Variants in GRM5 observed in about 807,000 individuals in gnomAD.
The protein encoded by GRM5 is metabotropic glutamate receptor 5.
In GRM5, 19 loss-of-function variants were observed where a neutral mutation model predicts 83.1. That is an observed-to-expected ratio of 0.23 (90% CI 0.16 to 0.34). The LOEUF (loss-of-function observed/expected upper bound fraction) is 0.34, where lower values mean the gene tolerates loss of function less well. Ranked by LOEUF, GRM5 falls within the 10% of genes least tolerant of loss-of-function variation. GRM5 has a pLI of 1.00. For missense variants in GRM5, 1,160 were observed against 1,588.3 expected (o/e 0.73, Z 4.58); for synonymous variants, 675 against 633.6 (o/e 1.07, Z -0.98).
At chr11:88,899,089 T>C (rs1945278652) in intron 2 of GRM5, among the ~76,000 whole-genome samples, 1 of 151,974 alleles carries the variant, frequency 6.6e-6, no homozygotes, top group Admixed American at 6.6e-5. Context: ...TTTCCGATTG[T>C]GATCTTTAGA....
chr11:88,653,476 T>C (rs1474166669), intron 3 of GRM5, 73 bp from the exon 4 acceptor site: 1 of 979,270 alleles, frequency 1.0e-6, no homozygotes, highest in Admixed American at 2.0e-5. Context: ...TGCTTTCCTT[T>C]TGACAAGATT....
In GRM5 at chr11:88,919,825, C is replaced by T. The variant is rs1370995263; in HGVS notation, c.662-69670G>A. ...CAGTGGGCCCATGAATAAATTAAAA[C>T]AAAAGTTTTAAAAATTCATGAAGCC... is the stretch of plus-strand genomic sequence containing the variant. On this transcript the variant is annotated intron_variant, in intron 2 of 9. Transcript: ENST00000305447. 5.3e-5 allele frequency among the ~76,000 whole-genome samples: 8 copies of T among 151,646 alleles called. No individual in the cohort carries two copies. The East Asian group carries it at 1.6e-3, about 29-fold the overall frequency.
chr11:88,631,783 G>A (rs982011), intron 4 of GRM5, among the ~76,000 whole-genome samples: 108,257 of 152,032 alleles, frequency 0.71, 42,843 homozygotes, highest in Non-Finnish European at 0.9. Flanking sequence ...AGGAGGAGAA[G>A]AACATCCCTT....
chr11:88,783,198 T>C (rs1240666236), intron 3 of GRM5, among the ~76,000 whole-genome samples: 4 of 152,148 alleles, frequency 2.6e-5, no homozygotes, highest in Admixed American at 6.6e-5. Context: ...TATCCCCTCT[T>C]ACAGTAATTT....
At chr11:88,564,522 G>C (rs1014438285) in intron 8 of GRM5, among the ~76,000 whole-genome samples, 1 of 152,156 alleles carries the variant, frequency 6.6e-6, no homozygotes, top group Non-Finnish European at 1.5e-5. Flanking sequence ...GATGACCACA[G>C]GAGTGAGAGA....
At chr11:88,822,951 G>C (rs1179623290) in intron 3 of GRM5, among the ~76,000 whole-genome samples, 1 of 151,806 alleles carries the variant, frequency 6.6e-6, no homozygotes, top group Non-Finnish European at 1.5e-5. Context: ...TTTCAATCTT[G>C]AAATTCATGT....
At chr11:89,053,736 G>A (rs990114100) in intron 1 of GRM5, among the ~76,000 whole-genome samples, 2 of 149,866 alleles carry the variant, frequency 1.3e-5, no homozygotes, top group African/African-American at 4.9e-5. Flanking sequence ...CAGAGATATA[G>A]GAAATTTTGA....
chr11:89,030,319 T>C (rs1941232740), intron 2 of GRM5, among the ~76,000 whole-genome samples: 1 of 152,152 alleles, frequency 6.6e-6, no homozygotes, highest in Non-Finnish European at 1.5e-5. Context: ...TGTGTCTCTT[T>C]GGCTTTATCA....
At chr11:88,883,768 G>A (rs1320315474) in intron 2 of GRM5, among the ~76,000 whole-genome samples, 1 of 152,114 alleles carries the variant, frequency 6.6e-6, no homozygotes, top group Non-Finnish European at 1.5e-5. Flanking sequence ...CTTGCTGTAG[G>A]CGGCCTCAGG....
intron 3 of GRM5, among the ~76,000 whole-genome samples, chr11:88,734,162 A>G (rs1461127317): frequency 3.3e-5 from 5 of 152,022 alleles, no homozygotes; most frequent in Non-Finnish European, 7.4e-5. Flanking sequence ...GCAAAAAATT[A>G]AATAACCTAA....
intron 3 of GRM5, among the ~76,000 whole-genome samples, chr11:88,721,150 T>A (rs1290106866): frequency 6.6e-6 from 1 of 152,008 alleles, no homozygotes; most frequent in Non-Finnish European, 1.5e-5. Context: ...CATGAGCGAA[T>A]ACATGTAAAA....
chr11:88,725,281 G>C (rs1431917160), intron 3 of GRM5, among the ~76,000 whole-genome samples: 1 of 152,136 alleles, frequency 6.6e-6, no homozygotes, highest in African/African-American at 2.4e-5. Flanking sequence ...AGTTTGAACT[G>C]GGCAGAGCCC....
chr11:88,762,982 G>T (rs1451534005), intron 3 of GRM5, among the ~76,000 whole-genome samples: 1 of 151,894 alleles, frequency 6.6e-6, no homozygotes, highest in African/African-American at 2.4e-5. Flanking sequence ...AGAACATGTG[G>T]ACACATAGAG....
intron 8 of GRM5, among the ~76,000 whole-genome samples, chr11:88,543,872 A>T (rs1591336611): frequency 6.6e-6 from 1 of 152,232 alleles, no homozygotes; most frequent in East Asian, 1.9e-4. Flanking sequence ...TAGCTTGAAA[A>T]TGTCACCAAA....
chr11:88,509,184 G>T lies in GRM5; in HGVS notation c.3047C>A (p.Pro1016Gln). The change falls in exon 10 of 10, where the codon CCG becomes CAG. Residue 1016 changes from proline (P) to glutamine (Q), a missense_variant. Coordinates refer to ENST00000305447, the MANE Select transcript of GRM5 (RefSeq NM_001143831.3). Reference protein sequence around the residue: ...AEEHFPAPARPRSPSPISTLS... With the variant: ...AEEHFPAPARQRSPSPISTLS... ...CGTGCTGATGGGCGACGGTGAGCGCGGCCGCGCGGGCGCCGGGAAGTGCTC... is the reference window on the plus strand; with the variant it reads ...CGTGCTGATGGGCGACGGTGAGCGCTGCCGCGCGGGCGCCGGGAAGTGCTC... The T allele has an allele frequency of 2.6e-6, 4 of 1,534,454 alleles. No homozygotes were observed. The highest frequency in any genetic ancestry group is 3.5e-6 in the Non-Finnish European group (4 of 1,143,046).
intron 8 of GRM5, among the ~76,000 whole-genome samples, chr11:88,536,383 A>C (rs1159696085): frequency 1.3e-5 from 2 of 152,242 alleles, no homozygotes; most frequent in Admixed American, 1.3e-4. Flanking sequence ...GTGATGATTT[A>C]GGAGTTCTTT....
chr11:88,867,759 G>T (rs1027165971), intron 2 of GRM5, among the ~76,000 whole-genome samples: 1 of 151,662 alleles, frequency 6.6e-6, no homozygotes, highest in Admixed American at 6.6e-5. Context: ...ACAAGCCAAG[G>T]AGACAGATCC....
At chr11:88,675,556 T>A (rs2135338186) in intron 3 of GRM5, among the ~76,000 whole-genome samples, 1 of 152,052 alleles carries the variant, frequency 6.6e-6, no homozygotes, top group Non-Finnish European at 1.5e-5. Context: ...AGAAAACAAC[T>A]TAGAACAACC....
chr11:88,664,319 AT>A (rs201339568), intron 3 of GRM5, among the ~76,000 whole-genome samples: 1 of 48,552 alleles, frequency 2.1e-5, no homozygotes, highest in African/African-American at 4.5e-5. Context: ...ATCAACCCAG[AT>A]TTAAAAAAAA....
Sources: allele counts gnomAD v4.1 joint callset (sites outside exome capture counted in the v4.1 genomes callset), GRCh38; gene constraint gnomAD v4.1.1; transcripts MANE v1.5; gene names NCBI Gene and HGNC (gene_info 2026-07-23, HGNC 2026-07-21).